Variants in ADAMTS18 observed in about 807,000 individuals in gnomAD.
ADAMTS18 encodes A disintegrin and metalloproteinase with thrombospondin motifs 18.
A neutral mutation model predicts 165.9 loss-of-function variants in ADAMTS18; 157 were observed. That is an observed-to-expected ratio of 0.95 (90% CI 0.83 to 1.08). The LOEUF (loss-of-function observed/expected upper bound fraction) is 1.08. ADAMTS18 is among the 50% of genes least tolerant of loss of function. The pLI is 0.00. For missense variants in ADAMTS18, 2,040 were observed against 1,534.0 expected, an observed-to-expected ratio of 1.33 and a Z score of -5.51; for synonymous variants, 782 against 578.2, an observed-to-expected ratio of 1.35 and a Z score of -5.06.
chr16:77,334,406 T>C (rs1260478470), intron 12 of ADAMTS18, among the ~76,000 whole-genome samples: 7 of 112,570 alleles, frequency 6.2e-5, no homozygotes, highest in Admixed American at 1.1e-4. Context: ...CTGTATATTA[T>C]AGTATATATT....
chr16:77,337,908 C>CTTTTTTTTT (rs10679600), intron 11 of ADAMTS18, among the ~76,000 whole-genome samples: 58 of 140,830 alleles, frequency 4.1e-4, no homozygotes, highest in African/African-American at 1.5e-3. Context: ...CTTTTCTTTT[C>CTTTTTTTTT]TTTTTTTTTT....
chr16:77,295,461 T>C (rs1262986784), intron 18 of ADAMTS18, among the ~76,000 whole-genome samples: 1 of 152,198 alleles, frequency 6.6e-6, no homozygotes. Context: ...GCATTAGGAT[T>C]AGAAAAATTA....
chr16:77,283,079 T>C lies in ADAMTS18; in HGVS notation c.*877A>G, dbSNP rs2055179746. 1 of 152,404 alleles carries C rather than the reference T, an allele frequency of 6.6e-6. No homozygotes were observed. The highest frequency in any genetic ancestry group is 1.5e-5 in the Non-Finnish European group (1 of 68,014). The allele number at this position is 152,404 out of a possible 1,614,324, so 9.4% of individuals were successfully genotyped here. On this transcript the variant is annotated 3_prime_UTR_variant, in exon 23 of 23. Transcript: ENST00000282849. ...CTCAAAACACTGCTGTGTTTTGTCA[T>C]TTAGCTCCTCCTAGATATTTTTTAA...
intron 10 of ADAMTS18, among the ~76,000 whole-genome samples, chr16:77,352,586 G>T (rs2056571211): frequency 6.6e-6 from 1 of 152,138 alleles, no homozygotes; most frequent in African/African-American, 2.4e-5. Context: ...TGGGGCACAG[G>T]CTCACTTAGC....
intron 6 of ADAMTS18, 146 bp from the exon 7 acceptor site, chr16:77,362,410 T>C (rs2650904): frequency 0.4 from 323,233 of 808,674 alleles, 70,338 homozygotes; most frequent in Non-Finnish European, 0.45. Flanking sequence ...GACAGGAAAA[T>C]CTCTATTTTA....
At chr16:77,425,310 C>A (rs1310119827) in intron 3 of ADAMTS18, among the ~76,000 whole-genome samples, 2 of 152,116 alleles carry the variant, frequency 1.3e-5, no homozygotes, top group Non-Finnish European at 2.9e-5. Context: ...TTGGATGATG[C>A]ATCAGGAATT....
intron 10 of ADAMTS18, among the ~76,000 whole-genome samples, chr16:77,350,752 G>C (rs1187149753): frequency 6.6e-6 from 1 of 152,088 alleles, no homozygotes; most frequent in African/African-American, 2.4e-5. Flanking sequence ...CTGGGTCCTA[G>C]CCCCAAAATT....
chr16:77,313,719 G>C (rs975562417), intron 16 of ADAMTS18, among the ~76,000 whole-genome samples: 2 of 152,156 alleles, frequency 1.3e-5, no homozygotes, highest in African/African-American at 4.8e-5. Context: ...TTCAGCTACA[G>C]AACTTGGTTT....
intron 16 of ADAMTS18, among the ~76,000 whole-genome samples, chr16:77,301,890 A>T (rs2055589890): frequency 6.6e-6 from 1 of 152,082 alleles, no homozygotes; most frequent in South Asian, 2.1e-4. Context: ...AATACAAAAC[A>T]CAACAGGTAG....
rs2056761289 is a variant in ADAMTS18, at chr16:77,364,346, T to A, written c.814A>T (p.Arg272Trp). The change falls in exon 5 of 23, where the codon AGG becomes TGG. Residue 272 changes from arginine (R) to tryptophan (W), a missense_variant. Coordinates refer to ENST00000282849, the MANE Select transcript of ADAMTS18 (RefSeq NM_199355.4). ...CCAGAGCTCCCATATTCATCAAACC[T>A]TAGATAGGTGTCCTCTGTGGGAGGC... ...PKPPTEDTYLRFDEYGSSGRP... is the reference protein window; with the variant it reads ...PKPPTEDTYLWFDEYGSSGRP... 1 of 1,613,742 alleles carries A rather than the reference T, an allele frequency of 6.2e-7. No individual in the cohort carries two copies. The highest frequency in any genetic ancestry group is 2.2e-5 in the East Asian group (1 of 44,858).
chr16:77,372,727 G>A (rs1300309022), intron 3 of ADAMTS18, among the ~76,000 whole-genome samples: 1 of 152,102 alleles, frequency 6.6e-6, no homozygotes, highest in Non-Finnish European at 1.5e-5. Flanking sequence ...CATATCTTCA[G>A]GATATACCTC....
chr16:77,334,922 T>C (rs1358780113), intron 12 of ADAMTS18, among the ~76,000 whole-genome samples: 3 of 138,938 alleles, frequency 2.2e-5, no homozygotes, highest in East Asian at 2.1e-4. Context: ...TTATAGTATA[T>C]AGTATATATA....
At chr16:77,387,231 T>A (rs1169626206) in intron 3 of ADAMTS18, among the ~76,000 whole-genome samples, 1 of 152,182 alleles carries the variant, frequency 6.6e-6, no homozygotes, top group Non-Finnish European at 1.5e-5. Context: ...GCAAATTCTC[T>A]TCCTGTTACA....
chr16:77,326,651 G>C (rs757382559), intron 12 of ADAMTS18, among the ~76,000 whole-genome samples: 3 of 152,144 alleles, frequency 2.0e-5, no homozygotes, highest in Admixed American at 6.5e-5. Flanking sequence ...CCAAAGTGTG[G>C]GGATTACAGG....
chr16:77,432,031 T>C (rs977807957), intron 2 of ADAMTS18, among the ~76,000 whole-genome samples: 1 of 152,232 alleles, frequency 6.6e-6, no homozygotes, highest in Non-Finnish European at 1.5e-5. Context: ...GGGAAATTTC[T>C]TCAAGGAGGT....
intron 12 of ADAMTS18, among the ~76,000 whole-genome samples, chr16:77,334,005 T>C (rs1409791338): frequency 2.1e-5 from 3 of 141,690 alleles, no homozygotes; most frequent in African/African-American, 7.8e-5. Flanking sequence ...TACAGTGCAA[T>C]ATATGCTATA....
intron 7 of ADAMTS18, among the ~76,000 whole-genome samples, chr16:77,359,724 C>A (rs1408321462): frequency 1.3e-5 from 2 of 152,056 alleles, no homozygotes; most frequent in African/African-American, 4.8e-5. Flanking sequence ...TTTAGTAAGT[C>A]ACAGAATATT....
At chr16:77,357,538 A>G (rs1034134296) in intron 8 of ADAMTS18, among the ~76,000 whole-genome samples, 1 of 152,234 alleles carries the variant, frequency 6.6e-6, no homozygotes, top group African/African-American at 2.4e-5. Context: ...ACCTATAAAT[A>G]AAGCACGAGA....
chr16:77,317,901 G>C (rs2055916445), intron 16 of ADAMTS18, among the ~76,000 whole-genome samples: 1 of 152,140 alleles, frequency 6.6e-6, no homozygotes, highest in Non-Finnish European at 1.5e-5. Flanking sequence ...AGAAGAAGTA[G>C]CTACCTCTGA....
Sources: gnomAD v4.1 joint callset for allele counts (sites outside exome capture counted in the v4.1 genomes callset) on GRCh38, gnomAD v4.1.1 for gene constraint, MANE v1.5 for transcripts, NCBI Gene and HGNC (gene_info 2026-07-23, HGNC 2026-07-21) for gene names.